DET1: variants seen among roughly 807,000 people sequenced by gnomAD.
The protein encoded by DET1 is DET1 homolog.
In DET1, 22 loss-of-function variants were observed where a neutral mutation model predicts 43.7. The ratio of observed to expected loss-of-function variants is 0.50; its 90% confidence interval spans 0.36 to 0.72. DET1 has a LOEUF of 0.72. Among genes scored for constraint, DET1 ranks in the 30% least tolerant of loss-of-function variants. DET1 has a pLI of 0.00. For synonymous variants in DET1, 315 were observed against 266.2 expected (o/e 1.18, Z -1.79); for missense variants, 713 against 713.3 (o/e 1.00, Z 0.00).
chr15:88,541,828 C>T (rs1305640914), intron 1 of DET1, among the ~76,000 whole-genome samples: 2 of 152,162 alleles, frequency 1.3e-5, no homozygotes, highest in East Asian at 1.9e-4. Flanking sequence ...TCAGCCAGTT[C>T]GGCTCCCCCT....
chr15:88,535,071 T>C (rs190853358), intron 1 of DET1, among the ~76,000 whole-genome samples: 3 of 152,278 alleles, frequency 2.0e-5, no homozygotes, highest in Admixed American at 2.0e-4. Flanking sequence ...CTTGAAATGA[T>C]GGAAAAACAA....
At chr15:88,511,438 C>T (rs575359624), downstream of DET1, 14 of 985,498 alleles carry the variant, frequency 1.4e-5, no homozygotes, top group African/African-American at 2.3e-4. Flanking sequence ...TTACCATTTT[C>T]ATACTTCCAT....
At chr15:88,546,125 G>C (rs1305493346) in intron 1 of DET1, 2 of 152,216 alleles carry the variant, frequency 1.3e-5, no homozygotes, top group African/African-American at 4.8e-5. Flanking sequence ...CCTTCCTCAG[G>C]GCCGAGAGAA....
chr15:88,537,279 G>C (rs551986043), intron 1 of DET1, among the ~76,000 whole-genome samples: 86 of 152,302 alleles, frequency 5.6e-4, no homozygotes, highest in African/African-American at 1.8e-3. Context: ...ACTGAGTAAA[G>C]ACATAAAATG....
chr15:88,506,089 C>A (rs1476944330), intron 7 of DET1, among the ~76,000 whole-genome samples: 2 of 152,172 alleles, frequency 1.3e-5, no homozygotes, highest in Admixed American at 6.5e-5. Flanking sequence ...GACCCTCCCA[C>A]ACAGGCCAAG....
At chr15:88,529,665 C>G (rs949949564) in intron 2 of DET1, among the ~76,000 whole-genome samples, 5 of 152,132 alleles carry the variant, frequency 3.3e-5, no homozygotes, top group African/African-American at 1.2e-4. Context: ...TAAGAGATAC[C>G]AAACTCAGTT....
chr15:88,540,580 G>A (rs1465449494), intron 1 of DET1, among the ~76,000 whole-genome samples: 1 of 151,928 alleles, frequency 6.6e-6, no homozygotes, highest in Non-Finnish European at 1.5e-5. Flanking sequence ...AGATCAGATT[G>A]TTACTGTGTC....
chr15:88,541,735 C>A (rs1364580505), intron 1 of DET1, among the ~76,000 whole-genome samples: 1 of 152,200 alleles, frequency 6.6e-6, no homozygotes, highest in Admixed American at 6.5e-5. Context: ...ATTAGAAATC[C>A]TCCTCCATGG....
chr15:88,533,485 TG>T (rs2056869153), intron 1 of DET1, among the ~76,000 whole-genome samples: 1 of 152,150 alleles, frequency 6.6e-6, no homozygotes, highest in African/African-American at 2.4e-5. Context: ...TGCACACCCA[TG>T]TTCATATCAG....
chr15:88,541,404 C>A (rs1277759584), intron 1 of DET1, among the ~76,000 whole-genome samples: 1 of 151,152 alleles, frequency 6.6e-6, no homozygotes, highest in Non-Finnish European at 1.5e-5. Flanking sequence ...CGCTGGTTCC[C>A]CGGGTCCCCT....
chr15:88,527,964 CA>C (rs2056711678), intron 2 of DET1, among the ~76,000 whole-genome samples, 178 bp from the exon 3 acceptor site: 1 of 152,172 alleles, frequency 6.6e-6, no homozygotes. Context: ...AACATGGCTC[CA>C]AGTGGTTCTG....
chr15:88,524,535 AAAAG>A lies in DET1; in HGVS notation c.1271+3060_1271+3063del, dbSNP rs564806242. 7.2e-3 allele frequency among the ~76,000 whole-genome samples: 1,101 copies of A among 152,334 alleles called. 14 individuals are homozygous for A. Among genetic ancestry groups the A allele is most frequent in the African/African-American group, 0.022 (929 of 41,572 alleles). ...GAATAGAAAAGGGGGAAATGTGGGGAAAAGAAAGAGAGATCAGATTGTTACTGTG... is the reference window on the plus strand; with the variant it reads ...GAATAGAAAAGGGGGAAATGTGGGGAAAAGAGAGATCAGATTGTTACTGTG... On this transcript the variant is annotated intron_variant, in intron 3 of 4. Coordinates refer to ENST00000268148, the MANE Select transcript of DET1 (RefSeq NM_001144074.3).
chr15:88,512,937 C>T lies in DET1; in HGVS notation c.*14G>A. The stretch of plus-strand genomic sequence containing the variant: ...AGTCTTGGAAGACCAGATAATCTGG[C>T]TCTGGTGAGGCACCTACGTGCAGCA... On this transcript the variant is annotated 3_prime_UTR_variant, in exon 5 of 5. Transcript: ENST00000268148. 1 of 1,610,874 alleles carries T rather than the reference C, an allele frequency of 6.2e-7. No individual in the cohort carries two copies. The highest frequency in any genetic ancestry group is 2.2e-5 in the East Asian group (1 of 44,812).
At chr15:88,536,492 C>A (rs547349052) in intron 1 of DET1, 4 of 553,288 alleles carry the variant, frequency 7.2e-6, no homozygotes, top group Non-Finnish European at 1.3e-5. Context: ...AAAAGAGGAA[C>A]AAACTGGCCG....
intron 4 of DET1, among the ~76,000 whole-genome samples, chr15:88,514,984 C>CT (rs1375434907): frequency 6.6e-6 from 1 of 152,122 alleles, no homozygotes; most frequent in Non-Finnish European, 1.5e-5. Context: ...TAAGGCCCAT[C>CT]TTTTTTATGT....
chr15:88,511,329 T>A (rs1270928405), downstream of DET1: 1 of 882,538 alleles, frequency 1.1e-6, no homozygotes, highest in Non-Finnish European at 1.4e-6. Flanking sequence ...CCTAGCAACC[T>A]GCACAAGACC....
At chr15:88,529,438 T>C (rs1465406405) in intron 2 of DET1, among the ~76,000 whole-genome samples, 1 of 152,136 alleles carries the variant, frequency 6.6e-6, no homozygotes, top group Non-Finnish European at 1.5e-5. Context: ...TGCTCACCCA[T>C]GATTGCTCAA....
At chr15:88,508,557 A>G (rs2056165991), downstream of DET1, among the ~76,000 whole-genome samples, 1 of 152,268 alleles carries the variant, frequency 6.6e-6, no homozygotes, top group South Asian at 2.1e-4. Context: ...CCTAGAAACA[A>G]GAGAACCAAG....
intron 7 of DET1, among the ~76,000 whole-genome samples, chr15:88,506,040 C>T (rs1217087151): frequency 6.6e-6 from 1 of 152,138 alleles, no homozygotes; most frequent in Non-Finnish European, 1.5e-5. Context: ...AGAGGTACAA[C>T]CTGGGCTGGG....
Sources: gnomAD v4.1 joint callset for allele counts (sites outside exome capture counted in the v4.1 genomes callset) on GRCh38, gnomAD v4.1.1 for gene constraint, MANE v1.5 for transcripts, NCBI Gene and HGNC (gene_info 2026-07-23, HGNC 2026-07-21) for gene names.